CNGB1: variants seen among roughly 807,000 people sequenced by gnomAD.
CNGB1 encodes the protein cyclic nucleotide gated channel subunit beta 1, also known as cyclic nucleotide-gated channel beta-1.
In CNGB1, 126 loss-of-function variants were observed where a neutral mutation model predicts 151.7. The observed-to-expected ratio is 0.83, with a 90% CI of 0.72 to 0.96. The LOEUF is 0.96. Ranked by LOEUF, CNGB1 falls within the 40% of genes least tolerant of loss-of-function variation. CNGB1 has a pLI of 0.00. For synonymous variants in CNGB1, 623 were observed against 635.1 expected (o/e 0.98, Z 0.29); for missense variants, 1,698 against 1,627.0 (o/e 1.04, Z -0.75).
intron 12 of CNGB1, chr16:57,955,350 C>T: frequency 1.3e-6 from 2 of 1,551,800 alleles, no homozygotes; most frequent in Non-Finnish European, 1.7e-6. Flanking sequence ...ATTTCAGAGA[C>T]CTCCAGCTCC....
At chr16:57,949,510 T>C in intron 13 of CNGB1, 71 bp from the exon 14 acceptor site, 1 of 1,606,470 alleles carries the variant, frequency 6.2e-7, no homozygotes, top group Non-Finnish European at 8.5e-7. Context: ...CCTGCCTCTA[T>C]TTTCTGTAGG....
chr16:57,899,845 A>G (rs1221731949), intron 29 of CNGB1, among the ~76,000 whole-genome samples: 3 of 152,192 alleles, frequency 2.0e-5, no homozygotes, highest in African/African-American at 7.2e-5. Context: ...CCCTCACCTC[A>G]GTAACCAGTC....
rs758706365 is a variant in CNGB1 at position 57,917,392 on chromosome 16, G to A, written c.2042C>T (p.Pro681Leu). 29 of 1,614,086 alleles carry A rather than the reference G, an allele frequency of 1.8e-5. No individual in the cohort carries two copies. Among genetic ancestry groups the A allele is most frequent in the Non-Finnish European group, 2.5e-5 (29 of 1,180,006 alleles). ...GTGGATGTTGTCCGGGGTCTGGTAG[G>A]GGAAGGCCCAGCGCACGGGAATCAG... is the stretch of plus-strand genomic sequence containing the variant. ...CWLIPVRWAFPYQTPDNIHHW... is the reference protein window; with the variant it reads ...CWLIPVRWAFLYQTPDNIHHW... Residue 681 changes from proline (P) to leucine (L), a missense_variant, in exon 21 of 33, where the codon CCC (proline) becomes CTC (leucine). Transcript: ENST00000251102.
In CNGB1 at chr16:57,963,009, G is replaced by A. The variant is rs367677784; in HGVS notation, c.346C>T (p.Gln116Ter). Residue 116 changes from glutamine to a stop codon, truncating the protein, a stop_gained, in exon 5 of 33, where the codon CAG becomes TAG. Transcript: ENST00000251102. LOFTEE classifies it high-confidence loss of function. The stretch of plus-strand genomic sequence containing the variant: ...TCCTCCGTGATGCTGTGAACAGGCT[G>A]CGGGATCACCTTCTCTACGCCCTTC... ...LMKGVEKVIP[Q>*]PVHSITEDPA... 7 of 1,613,424 alleles carry A rather than the reference G, an allele frequency of 4.3e-6. No individual in the cohort carries two copies. Among genetic ancestry groups the A allele is most frequent in the Non-Finnish European group, 5.9e-6 (7 of 1,180,004 alleles).
chr16:57,935,192 C>A (rs186279956), intron 16 of CNGB1, among the ~76,000 whole-genome samples: 200 of 152,246 alleles, frequency 1.3e-3, no homozygotes, highest in African/African-American at 4.5e-3. Context: ...GAGCCTGCAG[C>A]AGGCCCATCC....
rs1467145516 is a variant in CNGB1, at chr16:57,923,632, T to A, written c.1536-252A>T. On this transcript the variant is annotated intron_variant, in intron 17 of 32. Coordinates refer to ENST00000251102, the MANE Select transcript of CNGB1 (RefSeq NM_001297.5). The stretch of plus-strand genomic sequence containing the variant: ...GGCCTAAAGGTAACAGCATTGGTAT[T>A]GCACCCCAGTCCTGCCTCTTACCTG... 2.6e-5 allele frequency among the ~76,000 whole-genome samples: 4 copies of A among 152,186 alleles called. No individual in the cohort carries two copies. The East Asian group carries it at 7.7e-4, about 29-fold the overall frequency.
At chr16:57,966,393 G>GA (rs1413748062) in intron 2 of CNGB1, among the ~76,000 whole-genome samples, 1 of 152,208 alleles carries the variant, frequency 6.6e-6, no homozygotes, top group African/African-American at 2.4e-5. Context: ...GTGTCGAATT[G>GA]AGCTGCTGAA....
At chr16:57,957,254 G>GC in intron 12 of CNGB1, 87 bp downstream of exon 12, 2 of 1,295,304 alleles carry the variant, frequency 1.5e-6, no homozygotes, top group Admixed American at 1.7e-5. Context: ...GCCAGGGACA[G>GC]CCCCCCTGCC....
rs117020538 is a variant in CNGB1, at chr16:57,965,281, A to T, written c.160-737T>A. Among the ~76,000 whole-genome samples the T allele has an allele frequency of 5.3e-5, 8 of 152,282 alleles. No individual in the cohort carries two copies. In the East Asian group the frequency reaches 1.5e-3, roughly 29 times the overall value. On this transcript the variant is annotated intron_variant, in intron 2 of 32. Coordinates refer to ENST00000251102, the MANE Select transcript of CNGB1 (RefSeq NM_001297.5). ...AGTGCATGTGCACACACGTACAGGC[A>T]AAAACATATGTACATATACATGTGT...
chr16:57,960,618 A>T, intron 8 of CNGB1, 88 bp from the exon 9 acceptor site: 2 of 1,548,628 alleles, frequency 1.3e-6, no homozygotes, highest in South Asian at 2.3e-5. Context: ...TCCTGGCCCA[A>T]GGCGGGTGAG....
intron 12 of CNGB1, among the ~76,000 whole-genome samples, chr16:57,953,375 G>A (rs1381522946): frequency 3.3e-5 from 5 of 151,712 alleles, no homozygotes; most frequent in African/African-American, 1.2e-4. Flanking sequence ...CACACTTGTA[G>A]TCCTAGCTAC....
Position 57,923,263 on chromosome 16 carries a change from G to A in CNGB1, c.1643+10C>T, listed in dbSNP as rs758483672. On this transcript the variant is annotated intron_variant, in intron 18 of 32. Coordinates refer to ENST00000251102, the MANE Select transcript of CNGB1 (RefSeq NM_001297.5). ...TCTTTCAATTTTCTGAGACCCCAGA[G>A]GGGTCTCACTCAGTGTCCTTCGGGG... 1.9e-5 allele frequency: 30 copies of A among 1,593,288 alleles called. No individual in the cohort carries two copies. The highest frequency in any genetic ancestry group is 1.2e-4 in the African/African-American group (9 of 74,506).
In CNGB1 at chr16:57,904,866, G is replaced by C. The variant is rs1213310804; in HGVS notation, c.2502C>G (p.Arg834=). 1.2e-6 allele frequency: 2 copies of C among 1,614,182 alleles called. No homozygotes were observed. Among genetic ancestry groups the C allele is most frequent in the East Asian group, 4.5e-5 (2 of 44,878 alleles). The change falls in exon 26 of 33, where the codon CGC becomes CGG. Residue 834 remains arginine, a synonymous_variant. Transcript: ENST00000251102. ...GGGTCTTCACAGCAAAGTAGTAACAGCGAATATAACTGGAGAGAGAGGAGA... is the reference window on the plus strand; with the variant it reads ...GGGTCTTCACAGCAAAGTAGTAACACCGAATATAACTGGAGAGAGAGGAGA... ...VYDGVGNSYI[R]CYYFAVKTLI...
At chr16:57,967,949 A>C (rs1320995307) in intron 1 of CNGB1, among the ~76,000 whole-genome samples, 1 of 152,314 alleles carries the variant, frequency 6.6e-6, no homozygotes, top group East Asian at 1.9e-4. Context: ...AAGTACCTAC[A>C]TGTAACTAAA....
intron 32 of CNGB1, 129 bp downstream of exon 32, chr16:57,887,726 C>T: frequency 2.2e-6 from 2 of 907,240 alleles, no homozygotes; most frequent in Non-Finnish European, 3.6e-6. Context: ...ACCAAATGAG[C>T]CCTGACTGAT....
Position 57,911,807 on chromosome 16 carries a change from G to A in CNGB1, c.2438C>T (p.Ser813Leu), listed in dbSNP as rs747258045. 70 of 1,614,090 alleles carry A rather than the reference G, an allele frequency of 4.3e-5. 2 individuals are homozygous for A. In the Middle Eastern group the frequency reaches 1.3e-3, roughly 30 times the overall value. Residue 813 changes from serine to leucine, a missense_variant, in exon 25 of 33, where the codon TCG (serine) becomes TTG (leucine). Coordinates refer to ENST00000251102, the MANE Select transcript of CNGB1 (RefSeq NM_001297.5). ...HLNSCLYYWA[S>L]AYQGLGSTHW... is the part of the protein sequence containing the mutation. ...AGTGGAGCCGAGGCCCTGATAGGCC[G>A]ATGCCCAGTAATAAAGACAGGAATT...
In CNGB1 at chr16:57,940,086, C is replaced by G. The variant is rs959254234; in HGVS notation, c.1209+148G>C. Reference sequence around the variant, plus strand: ...CTATCTGACCCCTGCCAAGAGGGGGCCTCGCAGGACCCGCCACCCTGCTCC... The same window carrying G: ...CTATCTGACCCCTGCCAAGAGGGGGGCTCGCAGGACCCGCCACCCTGCTCC... On this transcript the variant is annotated intron_variant, in intron 15 of 32. Coordinates refer to ENST00000251102, the MANE Select transcript of CNGB1 (RefSeq NM_001297.5). 6 of 807,374 alleles carry G rather than the reference C, an allele frequency of 7.4e-6. No individual in the cohort carries two copies. In the Admixed American group the frequency reaches 1.2e-4, roughly 16 times the overall value. The allele number at this position is 807,374 out of a possible 1,614,324, so 50.0% of individuals were successfully genotyped here.
chr16:57,941,894 A>G (rs1435068798), intron 14 of CNGB1, among the ~76,000 whole-genome samples: 11 of 151,986 alleles, frequency 7.2e-5, no homozygotes, highest in African/African-American at 2.7e-4. Flanking sequence ...CTCTGTCACC[A>G]AGGCTGGAGT....
At chr16:57,969,538 A>G (rs1597020293) in intron 1 of CNGB1, among the ~76,000 whole-genome samples, 2 of 152,080 alleles carry the variant, frequency 1.3e-5, no homozygotes, top group East Asian at 3.9e-4. Flanking sequence ...GAATCACTGG[A>G]GCCCAAAAGG....
Sources: gnomAD v4.1 joint callset for allele counts (sites outside exome capture counted in the v4.1 genomes callset) on GRCh38, gnomAD v4.1.1 for gene constraint, MANE v1.5 for transcripts, NCBI Gene and HGNC (gene_info 2026-07-23, HGNC 2026-07-21) for gene names.